The following RABGAP1L variants were observed in gnomAD, a reference collection of about 807,000 sequenced individuals.
RABGAP1L encodes the protein RAB GTPase activating protein 1 like.
In RABGAP1L, 63 loss-of-function variants were observed where a neutral mutation model predicts 137.7. That is an observed-to-expected ratio of 0.46 (90% CI 0.37 to 0.56). RABGAP1L has a LOEUF of 0.56. Among genes scored for constraint, RABGAP1L ranks in the 20% least tolerant of loss-of-function variants. The pLI, the probability that RABGAP1L is intolerant of heterozygous loss-of-function variation, is 0.00. For missense variants in RABGAP1L, 1,095 were observed against 1,244.0 expected, an observed-to-expected ratio of 0.88 and a Z score of 1.80; for synonymous variants, 431 against 433.7, an observed-to-expected ratio of 0.99 and a Z score of 0.08.
chr1:174,921,903 A>G (rs1446563803), intron 19 of RABGAP1L, among the ~76,000 whole-genome samples: 2 of 152,224 alleles, frequency 1.3e-5, no homozygotes, highest in East Asian at 3.8e-4. Flanking sequence ...AAATGCTATT[A>G]AACTGAATTG....
At chr1:174,614,445 C>T (rs1340421744) in intron 13 of RABGAP1L, among the ~76,000 whole-genome samples, 1 of 152,198 alleles carries the variant, frequency 6.6e-6, no homozygotes, top group South Asian at 2.1e-4. Flanking sequence ...GCCGAGAGAT[C>T]TGCTGTTAGA....
intron 20 of RABGAP1L, chr1:174,965,128 AG>A (rs1362859965): frequency 8.4e-6 from 5 of 597,750 alleles, no homozygotes; most frequent in Non-Finnish European, 1.4e-5. Context: ...CTATGAGGAC[AG>A]TTGTTATCTG....
At chr1:174,658,642 G>A (rs781315970) in intron 14 of RABGAP1L, among the ~76,000 whole-genome samples, 23 of 151,998 alleles carry the variant, frequency 1.5e-4, no homozygotes, top group Non-Finnish European at 2.6e-4. Flanking sequence ...GTCATACATT[G>A]ATTCTCCATT....
At chr1:174,565,065 G>A (rs533483319) in intron 13 of RABGAP1L, among the ~76,000 whole-genome samples, 1 of 152,296 alleles carries the variant, frequency 6.6e-6, no homozygotes, top group South Asian at 2.1e-4. Flanking sequence ...TATTGAGTAT[G>A]CAGGCAGTAT....
chr1:174,344,350 T>C (rs1475488914), intron 11 of RABGAP1L, among the ~76,000 whole-genome samples: 1 of 152,222 alleles, frequency 6.6e-6, no homozygotes, highest in Non-Finnish European at 1.5e-5. Context: ...GAGGAAGTAC[T>C]TTCTGGCCTT....
rs967121477 is a variant in RABGAP1L at position 174,861,589 on chromosome 1, C to CT, written c.2340+49633dup. On this transcript the variant is annotated intron_variant, in intron 19 of 25. Transcript: ENST00000681986. ...TCCACCAAAAGTGTATAAAAGTTCT[C>CT]TTTTCTCCATATCCTCACTAACAAT... Among the ~76,000 whole-genome samples the CT allele has an allele frequency of 3.9e-5, 6 of 152,034 alleles. No individual in the cohort carries two copies. The East Asian group carries it at 1.2e-3, about 29-fold the overall frequency.
chr1:174,870,038 C>T (rs1401320055), intron 19 of RABGAP1L, among the ~76,000 whole-genome samples: 4 of 152,134 alleles, frequency 2.6e-5, no homozygotes, highest in Non-Finnish European at 4.4e-5. Context: ...GTGGTGGAGC[C>T]CAGTATCAAA....
chr1:174,565,565 C>T (rs1030040302), intron 13 of RABGAP1L, among the ~76,000 whole-genome samples: 1 of 152,038 alleles, frequency 6.6e-6, no homozygotes. Flanking sequence ...AATTCCTTTA[C>T]GTATGTTAAT....
intron 13 of RABGAP1L, among the ~76,000 whole-genome samples, chr1:174,394,635 A>G (rs1490850966): frequency 6.6e-6 from 1 of 152,102 alleles, no homozygotes; most frequent in African/African-American, 2.4e-5. Context: ...ATGTCTAAAT[A>G]CCTGGTTTTA....
chr1:174,669,187 G>T (rs1040896089), intron 14 of RABGAP1L, among the ~76,000 whole-genome samples: 3 of 152,232 alleles, frequency 2.0e-5, no homozygotes, highest in Admixed American at 1.3e-4. Context: ...AGGGCGGCAA[G>T]AAGGAGAATG....
chr1:174,390,574 T>C (rs1392425921), intron 12 of RABGAP1L, among the ~76,000 whole-genome samples: 1 of 152,222 alleles, frequency 6.6e-6, no homozygotes, highest in Non-Finnish European at 1.5e-5. Context: ...GCTTGTTACT[T>C]TCATTCTGCC....
chr1:174,873,454 G>A (rs921036666), intron 19 of RABGAP1L, among the ~76,000 whole-genome samples: 1 of 151,366 alleles, frequency 6.6e-6, no homozygotes, highest in East Asian at 1.9e-4. Context: ...TATTCAACAA[G>A]TAGAATATGA....
intron 13 of RABGAP1L, among the ~76,000 whole-genome samples, chr1:174,555,585 TG>T: frequency 6.6e-6 from 1 of 152,162 alleles, no homozygotes; most frequent in South Asian, 2.1e-4. Context: ...CTGTGAATAG[TG>T]AAGATATAGA....
At chr1:174,584,615 A>AAT (rs1668981014) in intron 13 of RABGAP1L, among the ~76,000 whole-genome samples, 1 of 152,132 alleles carries the variant, frequency 6.6e-6, no homozygotes, top group Non-Finnish European at 1.5e-5. Context: ...TGTGTCAAAA[A>AAT]ATATATATAT....
At chr1:174,483,417 C>G (rs183251381) in intron 13 of RABGAP1L, among the ~76,000 whole-genome samples, 7 of 152,258 alleles carry the variant, frequency 4.6e-5, no homozygotes, top group Admixed American at 4.6e-4. Flanking sequence ...GCTTATTTCA[C>G]TTAACATAGT....
At chr1:174,651,134 G>A (rs1336315639) in intron 14 of RABGAP1L, among the ~76,000 whole-genome samples, 4 of 152,108 alleles carry the variant, frequency 2.6e-5, no homozygotes, top group Non-Finnish European at 5.9e-5. Context: ...TTTCCATGTA[G>A]TTGAGTGATT....
chr1:174,863,981 GAA>G (rs1034831816), intron 19 of RABGAP1L, among the ~76,000 whole-genome samples: 1 of 151,042 alleles, frequency 6.6e-6, no homozygotes, highest in Non-Finnish European at 1.5e-5. Flanking sequence ...CTCTGTCACA[GAA>G]AAAAAAAGTT....
chr1:174,628,165 A>G (rs1194111649), intron 13 of RABGAP1L, among the ~76,000 whole-genome samples: 1 of 152,144 alleles, frequency 6.6e-6, no homozygotes, highest in Non-Finnish European at 1.5e-5. Context: ...CTTTATCTGA[A>G]TAGTTGTTCA....
At chr1:174,318,642 C>CT (rs1395444668) in intron 11 of RABGAP1L, among the ~76,000 whole-genome samples, 2 of 115,612 alleles carry the variant, frequency 1.7e-5, no homozygotes, top group East Asian at 4.9e-4. Flanking sequence ...CTTTTTCTTT[C>CT]TTTTTTGTAG....
Sources: gnomAD v4.1 joint callset for allele counts (sites outside exome capture counted in the v4.1 genomes callset) on GRCh38, gnomAD v4.1.1 for gene constraint, MANE v1.5 for transcripts, NCBI Gene and HGNC (gene_info 2026-07-23, HGNC 2026-07-21) for gene names.